SH2D5: variants seen among roughly 807,000 people sequenced by gnomAD.
The protein encoded by SH2D5 is SH2 domain containing 5.
A neutral mutation model predicts 48.2 loss-of-function variants in SH2D5; 45 were observed. The ratio of observed to expected loss-of-function variants is 0.93; its 90% CI spans 0.73 to 1.20. The LOEUF is 1.20. Among genes scored for constraint, SH2D5 ranks in the 50% most tolerant of loss-of-function variants. SH2D5 has a pLI of 0.00. For missense variants in SH2D5, 538 were observed against 584.1 expected (o/e 0.92, Z 0.81); for synonymous variants, 230 against 249.8 (o/e 0.92, Z 0.75).
intron 1 of SH2D5, chr1:20,730,726 C>G (rs1557620934): frequency 6.6e-6 from 1 of 152,440 alleles, no homozygotes; most frequent in African/African-American, 2.4e-5. Flanking sequence ...AAAACACCCA[C>G]TTGTCTCTTT....
rs1248511869 is a variant in SH2D5 at position 20,720,141 on chromosome 1, C to T, written c.*1651G>A. The T allele has an allele frequency of 6.6e-6, 1 of 152,264 alleles. No homozygotes were observed. The highest frequency in any genetic ancestry group is 2.4e-5 in the African/African-American group (1 of 41,444). The allele number at this position is 152,264 out of a possible 1,614,324, so 9.4% of individuals were successfully genotyped here. A position where few individuals can be genotyped will look rare whatever the true frequency, so the allele number is the denominator to read the frequency against. ...TGCCAGGGAAATGTGAGGCTGGGGCCTCCCATAGAGACCAGTGGTTTGTCC... is the reference window on the plus strand; with the variant it reads ...TGCCAGGGAAATGTGAGGCTGGGGCTTCCCATAGAGACCAGTGGTTTGTCC... On this transcript the variant is annotated 3_prime_UTR_variant, in exon 10 of 10. Transcript: ENST00000444387.
chr1:20,726,200 G>A (rs10916852), intron 4 of SH2D5, 134 bp from the exon 5 acceptor site: 4 of 1,146,698 alleles, frequency 3.5e-6, no homozygotes, highest in Non-Finnish European at 3.6e-6. Context: ...CTTCACATGG[G>A]CCCTGGGGCT....
In SH2D5 at chr1:20,722,980, C is replaced by T. The variant is rs2054718456; in HGVS notation, c.909-65G>A. On this transcript the variant is annotated intron_variant, in intron 8 of 9. Transcript: ENST00000444387. ...CTCCTGGGCAATGGTCATGAGGACC[C>T]CAGCAGCATCGAGGCAGCCTGCGGA... 4.3e-6 allele frequency: 6 copies of T among 1,383,432 alleles called. 1 individual carries two copies. The South Asian group carries it at 1.0e-4, about 23-fold the overall frequency. The allele number at this position is 1,383,432 out of a possible 1,614,324, so 85.7% of individuals were successfully genotyped here. A position where few individuals can be genotyped will look rare whatever the true frequency, so the allele number is the denominator to read the frequency against.
rs952961702 is a variant in SH2D5, at chr1:20,721,679, G to C, written c.*113C>G. The C allele has an allele frequency of 2.9e-5, 30 of 1,034,774 alleles. No homozygotes were observed. The highest frequency in any genetic ancestry group is 3.8e-5 in the Non-Finnish European group (28 of 735,458). The allele number at this position is 1,034,774 out of a possible 1,614,324, so 64.1% of individuals were successfully genotyped here. On this transcript the variant is annotated 3_prime_UTR_variant, in exon 10 of 10. Coordinates refer to ENST00000444387, the MANE Select transcript of SH2D5 (RefSeq NM_001103161.2). ...GTGACGCGATGGAAGACTGCTCCAA[G>C]GGCAGGGTGACTGGATGGAACTGGC...
intron 5 of SH2D5, among the ~76,000 whole-genome samples, chr1:20,724,910 C>T (rs1361391056): frequency 6.6e-6 from 1 of 152,236 alleles, no homozygotes; most frequent in African/African-American, 2.4e-5. Flanking sequence ...AGCTCATGCA[C>T]TCCTGCCCCC....
In SH2D5 at chr1:20,727,655, C is replaced by A. The variant is rs2054828079; in HGVS notation, c.88-52G>T. The A allele has an allele frequency of 6.0e-6, 9 of 1,493,770 alleles. No individual in the cohort carries two copies. In the East Asian group the frequency reaches 2.2e-4, roughly 36 times the overall value. The allele number at this position is 1,493,770 out of a possible 1,614,324, so 92.5% of individuals were successfully genotyped here. A position where few individuals can be genotyped will look rare whatever the true frequency, so the allele number is the denominator to read the frequency against. ...AAGGCGGGGAGTCAGGCCCGTGGCT[C>A]CTAACCCCATCCTCCAAATTCCCCC... On this transcript the variant is annotated intron_variant, in intron 2 of 9. Coordinates refer to ENST00000444387, the MANE Select transcript of SH2D5 (RefSeq NM_001103161.2).
Position 20,732,343 on chromosome 1 carries a change from C to G in SH2D5, c.-205G>C, listed in dbSNP as rs1289086662. 1 of 152,236 alleles carries G rather than the reference C, an allele frequency of 6.6e-6. No homozygotes were observed. The highest frequency in any genetic ancestry group is 1.9e-4 in the East Asian group (1 of 5,174). 9.4% of individuals were successfully genotyped at this position (152,236 alleles called of 1,614,324 possible). A position where few individuals can be genotyped will look rare whatever the true frequency, so the allele number is the denominator to read the frequency against. ...CCCGGGCTGGGGGCGCTGAATCCCC[C>G]GCGCCTCACTCACGGGTCCCTCCTC... On this transcript the variant is annotated 5_prime_UTR_variant, in exon 1 of 10. Transcript: ENST00000444387. This position sits in a 1 kb window ranked among gnomAD's most constrained non-coding sequence, Gnocchi z 5.1.
chr1:20,724,040 G>T (rs1030723712), intron 7 of SH2D5, 43 bp downstream of exon 7: 1 of 1,589,800 alleles, frequency 6.3e-7, no homozygotes. Context: ...GCACGGGCAC[G>T]TGTCCCAGGT....
At position 20,722,094 on chromosome 1, in the gene SH2D5, A is replaced by G. The variant is rs548728527; in HGVS notation, c.1069-99T>C. The G allele has an allele frequency of 5.2e-6, 6 of 1,148,564 alleles. No individual in the cohort carries two copies. The Middle Eastern group carries it at 1.4e-3, about 266-fold the overall frequency. The allele number at this position is 1,148,564 out of a possible 1,614,324, so 71.1% of individuals were successfully genotyped here. A position where few individuals can be genotyped will look rare whatever the true frequency, so the allele number is the denominator to read the frequency against. On this transcript the variant is annotated intron_variant, in intron 9 of 9. Transcript: ENST00000444387. ...CAGGAGCCTGCACATTTTGGAGAGC[A>G]GGGAACGGAGCCCAGAGGCTTCACA...
intron 4 of SH2D5, 32 bp from the exon 5 acceptor site, chr1:20,726,098 G>A: frequency 6.4e-7 from 1 of 1,563,190 alleles, no homozygotes; most frequent in Non-Finnish European, 8.7e-7. Flanking sequence ...GCCCCCATCA[G>A]ACCCACCGGG....
chr1:20,731,665 G>C (rs1370100434), intron 1 of SH2D5: 1 of 151,344 alleles, frequency 6.6e-6, no homozygotes, highest in Non-Finnish European at 1.5e-5. Flanking sequence ...ACGGCCTCTC[G>C]AAACAGGCGA....
chr1:20,730,204 C>T (rs1472012134), intron 1 of SH2D5, among the ~76,000 whole-genome samples: 2 of 150,408 alleles, frequency 1.3e-5, no homozygotes, highest in Admixed American at 6.7e-5. Context: ...GAGGGGTGGC[C>T]GGGGACAGAG....
At position 20,724,617 on chromosome 1, in the gene SH2D5, G is replaced by A; in HGVS notation, c.409C>T (p.Leu137=). The part of the protein sequence containing the change: ...QPGEVQILHL[L]LCRSFQLAYL... ...GCCAGCTGGAAAGAGCGGCACAGCA[G>A]CAGGTGCAGGATCTGGACCTGGGAG... The change falls in exon 6 of 10, where the codon CTG becomes TTG. Residue 137 remains leucine, a synonymous_variant. Transcript: ENST00000444387. The A allele has an allele frequency of 6.3e-6, 10 of 1,579,136 alleles. No homozygotes were observed. The highest frequency in any genetic ancestry group is 6.9e-6 in the Non-Finnish European group (8 of 1,164,364).
In SH2D5 at chr1:20,728,074, A is replaced by G; in HGVS notation, c.-30T>C. On this transcript the variant is annotated 5_prime_UTR_variant, in exon 2 of 10. Coordinates refer to ENST00000444387, the MANE Select transcript of SH2D5 (RefSeq NM_001103161.2). This position sits in a 1 kb window ranked among gnomAD's most constrained non-coding sequence, Gnocchi z 4.3. ...CCCAGGGTGCCTGGCTTCCAGCTCC[A>G]CGGGAGGGGAGGCTGCAAAGGGCAG... 2.0e-6 allele frequency: 3 copies of G among 1,479,004 alleles called. No homozygotes were observed. Among genetic ancestry groups the G allele is most frequent in the Non-Finnish European group, 2.7e-6 (3 of 1,091,114 alleles). 91.6% of individuals were successfully genotyped at this position (1,479,004 alleles called of 1,614,324 possible).
intron 6 of SH2D5, 50 bp from the exon 7 acceptor site, chr1:20,724,301 G>A: frequency 6.2e-7 from 1 of 1,605,168 alleles, no homozygotes; most frequent in Non-Finnish European, 8.5e-7. Flanking sequence ...GTCTAGCCAT[G>A]TCAGGCCAAG....
intron 5 of SH2D5, among the ~76,000 whole-genome samples, chr1:20,725,100 C>T (rs560481730): frequency 6.6e-6 from 1 of 152,374 alleles, no homozygotes; most frequent in South Asian, 2.1e-4. Context: ...CCCCACCTCC[C>T]TGTGCCCCTT....
At chr1:20,727,915 G>A (rs998236972) in intron 2 of SH2D5, 43 bp downstream of exon 2, 4 of 1,431,240 alleles carry the variant, frequency 2.8e-6, no homozygotes, top group Non-Finnish European at 3.9e-6. Context: ...GCTACCTGAG[G>A]GCCACCCACC....
In SH2D5 at chr1:20,721,742, G is replaced by A; in HGVS notation, c.*50C>T. The A allele has an allele frequency of 6.9e-7, 1 of 1,449,450 alleles. No individual in the cohort carries two copies. Among genetic ancestry groups the A allele is most frequent in the East Asian group, 2.5e-5 (1 of 40,092 alleles). The allele number at this position is 1,449,450 out of a possible 1,614,324, so 89.8% of individuals were successfully genotyped here. On this transcript the variant is annotated 3_prime_UTR_variant, in exon 10 of 10. Transcript: ENST00000444387. Reference sequence around the variant, plus strand: ...GCAGGACGGGCAGAGATGCTGCTGGGGCCCAGGAGCCGGGGTGAGGCGGGG... The same window carrying A: ...GCAGGACGGGCAGAGATGCTGCTGGAGCCCAGGAGCCGGGGTGAGGCGGGG...
rs1298323992 is a variant in SH2D5 at position 20,721,904 on chromosome 1, C to T, written c.1160G>A (p.Arg387His). Residue 387 changes from arginine (R) to histidine (H), a missense_variant, in exon 10 of 10, where the codon CGC (arginine) becomes CAC (histidine). By Grantham distance (29) the Arg-to-His change is conservative. Transcript: ENST00000444387. The stretch of plus-strand genomic sequence containing the variant: ...CTGCTCCTCGTAGGTGGGGTTCAGG[C>T]GGCCCATGTCGAGGGGACAGAAGAG... ...RSLFCPLDMG[R>H]LNPTYEEQDC... 9 of 1,613,062 alleles carry T rather than the reference C, an allele frequency of 5.6e-6. No individual in the cohort carries two copies. The highest frequency in any genetic ancestry group is 4.5e-5 in the East Asian group (2 of 44,902).
Sources: gnomAD v4.1 joint callset for allele counts (sites outside exome capture counted in the v4.1 genomes callset) on GRCh38, gnomAD v4.1.1 for gene constraint, Gnocchi (gnomAD v3.1) non-coding constraint, MANE v1.5 for transcripts, NCBI Gene and HGNC (gene_info 2026-07-23, HGNC 2026-07-21) for gene names.